Variants in HACD2 observed in about 807,000 individuals in gnomAD.
HACD2 encodes the protein 3-hydroxyacyl-CoA dehydratase 2, also known as very-long-chain (3R)-3-hydroxyacyl-CoA dehydratase 2.
A neutral mutation model predicts 31.0 loss-of-function variants in HACD2; 15 were observed. The ratio of observed to expected loss-of-function variants is 0.48; its 90% confidence interval spans 0.32 to 0.75. The LOEUF (loss-of-function observed/expected upper bound fraction) is 0.75. Ranked by LOEUF, HACD2 falls within the 30% of genes least tolerant of loss-of-function variation. The probability of loss-of-function intolerance (pLI) is 0.03; values close to 1 mark genes in which losing one functional copy is unlikely to be tolerated. For missense variants in HACD2, 283 were observed against 313.0 expected, an observed-to-expected ratio of 0.90 and a Z score of 0.72; for synonymous variants, 115 against 122.2, an observed-to-expected ratio of 0.94 and a Z score of 0.39.
chr3:123,580,546 G>A (rs1038900613), intron 2 of HACD2, among the ~76,000 whole-genome samples: 1 of 152,010 alleles, frequency 6.6e-6, no homozygotes, highest in African/African-American at 2.4e-5. Context: ...TGCTTTGGGA[G>A]GCTGAGATGG....
intron 4 of HACD2, among the ~76,000 whole-genome samples, chr3:123,513,384 G>A (rs576216004): frequency 6.6e-6 from 1 of 152,292 alleles, no homozygotes; most frequent in South Asian, 2.1e-4. Context: ...AAAAGGAGGT[G>A]AACTGGAGGT....
chr3:123,573,171 T>G (rs570399320), intron 2 of HACD2, among the ~76,000 whole-genome samples: 1 of 152,248 alleles, frequency 6.6e-6, no homozygotes, highest in Non-Finnish European at 1.5e-5. Flanking sequence ...TCTACACATA[T>G]ATGATTTCAT....
intron 4 of HACD2, among the ~76,000 whole-genome samples, chr3:123,524,674 T>C (rs944485580): frequency 4.6e-5 from 7 of 152,174 alleles, no homozygotes; most frequent in Non-Finnish European, 7.3e-5. Context: ...CAGGTTTTCT[T>C]GTTTTTTGTT....
chr3:123,531,310 AAC>A (rs1375212652), intron 3 of HACD2, among the ~76,000 whole-genome samples: 1 of 127,302 alleles, frequency 7.9e-6, no homozygotes, highest in Non-Finnish European at 1.8e-5. Flanking sequence ...TACATAAATT[AAC>A]AGTGTTTTTC....
chr3:123,524,401 C>T (rs899028365), intron 4 of HACD2, among the ~76,000 whole-genome samples: 2 of 152,012 alleles, frequency 1.3e-5, no homozygotes, highest in African/African-American at 4.8e-5. Context: ...AGGAGAGAGG[C>T]TAATTAGAAG....
At chr3:123,552,961 GA>G (rs1190537490) in intron 3 of HACD2, among the ~76,000 whole-genome samples, 1 of 152,134 alleles carries the variant, frequency 6.6e-6, no homozygotes, top group Non-Finnish European at 1.5e-5. Context: ...AGTTGAAAGG[GA>G]AGGAGGCAAA....
chr3:123,580,792 A>AG (rs2056957787), intron 2 of HACD2, among the ~76,000 whole-genome samples: 1 of 115,010 alleles, frequency 8.7e-6, no homozygotes, highest in African/African-American at 4.4e-5. Context: ...CTGTCTCAAG[A>AG]AAAAAAAAAA....
At chr3:123,498,844 T>C (rs1182332516) in intron 6 of HACD2, among the ~76,000 whole-genome samples, 1 of 152,162 alleles carries the variant, frequency 6.6e-6, no homozygotes, top group East Asian at 1.9e-4. Flanking sequence ...GGAGGCTGCG[T>C]GTGGTACCCA....
chr3:123,546,338 A>C (rs1369571088), intron 3 of HACD2, among the ~76,000 whole-genome samples: 1 of 152,210 alleles, frequency 6.6e-6, no homozygotes, highest in Non-Finnish European at 1.5e-5. Flanking sequence ...GGCAGACAAT[A>C]CCATTTGCTT....
chr3:123,584,900 A>G lies in HACD2; in HGVS notation c.128T>C (p.Val43Ala), dbSNP rs1235977278. The stretch of plus-strand genomic sequence containing the variant: ...GGCTGTCATCACCACATTGTAGATG[A>G]CCAGGTACGCCGTGGCCAGGGGCCC... ...GPGPLATAYL[V>A]IYNVVMTAGW... is the part of the protein sequence containing the mutation. Residue 43 changes from valine (V) to alanine (A), a missense_variant, in exon 1 of 7, where the codon GTC (valine) becomes GCC (alanine). By Grantham distance (64) the Val-to-Ala change is moderately conservative. Transcript: ENST00000383657. 1 of 1,525,692 alleles carries G rather than the reference A, an allele frequency of 6.6e-7. No homozygotes were observed. The highest frequency in any genetic ancestry group is 2.0e-5 in the Admixed American group (1 of 49,056). 94.5% of individuals were successfully genotyped at this position (1,525,692 alleles called of 1,614,324 possible).
rs183090853 is a variant in HACD2, at chr3:123,527,508, G to C, written c.381+878C>G. ...CTTAGTAGCTAACTTGGTTATCAGT[G>C]CTTGTGTTCAAGTAACCCTTATTTT... On this transcript the variant is annotated intron_variant, in intron 4 of 6. Transcript: ENST00000383657. Among the ~76,000 whole-genome samples, 43 of 152,248 alleles carry C rather than the reference G, an allele frequency of 2.8e-4. 1 individual carries two copies. The highest frequency in any genetic ancestry group is 2.5e-3 in the Admixed American group (38 of 15,288).
At chr3:123,563,074 G>C (rs1454766714) in intron 3 of HACD2, among the ~76,000 whole-genome samples, 1 of 152,120 alleles carries the variant, frequency 6.6e-6, no homozygotes, top group African/African-American at 2.4e-5. Flanking sequence ...CTCCTGCTAG[G>C]TACTATGTAC....
chr3:123,521,490 C>T (rs2056214338), intron 4 of HACD2, among the ~76,000 whole-genome samples: 2 of 152,106 alleles, frequency 1.3e-5, no homozygotes, highest in Admixed American at 1.3e-4. Flanking sequence ...AATGAGATTT[C>T]CCCAAATTAA....
chr3:123,581,289 T>C (rs1397091127), intron 2 of HACD2, among the ~76,000 whole-genome samples: 3 of 152,194 alleles, frequency 2.0e-5, no homozygotes, highest in Non-Finnish European at 4.4e-5. Context: ...ATGGCGGCTA[T>C]TGATTTTGTG....
At chr3:123,564,503 G>T (rs180920718) in intron 3 of HACD2, among the ~76,000 whole-genome samples, 2 of 152,284 alleles carry the variant, frequency 1.3e-5, no homozygotes, top group East Asian at 3.9e-4. Flanking sequence ...AGTCATCAGC[G>T]GTGCCCCATG....
rs2055791191 is a variant in HACD2, at chr3:123,493,482, C to T, written c.*1406G>A. The T allele has an allele frequency of 6.6e-6, 1 of 152,184 alleles. No individual in the cohort carries two copies. Among genetic ancestry groups the T allele is most frequent in the Non-Finnish European group, 1.5e-5 (1 of 68,052 alleles). The allele number at this position is 152,184 out of a possible 1,614,324, so 9.4% of individuals were successfully genotyped here. ...AGTTCAACATCAACCCCCACCCTGC[C>T]CCCAAAAAAAGGCAGCTGCAGGGGA... is the stretch of plus-strand genomic sequence containing the variant. On this transcript the variant is annotated 3_prime_UTR_variant, in exon 7 of 7. Transcript: ENST00000383657.
At chr3:123,518,811 T>C (rs1298556007) in intron 4 of HACD2, among the ~76,000 whole-genome samples, 2 of 151,746 alleles carry the variant, frequency 1.3e-5, no homozygotes, top group African/African-American at 4.8e-5. Context: ...GCCTGGCCAA[T>C]ATGGTGAAAC....
At chr3:123,548,556 T>C (rs60582751) in intron 3 of HACD2, among the ~76,000 whole-genome samples, 12,192 of 152,200 alleles carry the variant, frequency 0.08, 1,138 homozygotes, top group East Asian at 0.25. Context: ...TTTTAATGTA[T>C]CAATAGAAAA....
At chr3:123,551,518 G>A (rs532937780) in intron 3 of HACD2, among the ~76,000 whole-genome samples, 32 of 152,068 alleles carry the variant, frequency 2.1e-4, no homozygotes, top group African/African-American at 7.0e-4. Context: ...CCAGCTACTC[G>A]GGAGGCTGAG....
Sources: gnomAD v4.1 joint callset for allele counts (sites outside exome capture counted in the v4.1 genomes callset) on GRCh38, gnomAD v4.1.1 for gene constraint, MANE v1.5 for transcripts, NCBI Gene and HGNC (gene_info 2026-07-23, HGNC 2026-07-21) for gene names.